The following MARCHF4 variants were observed in gnomAD, a reference collection of about 807,000 sequenced individuals.
MARCHF4 encodes the protein E3 ubiquitin-protein ligase MARCHF4.
MARCHF4 carries 14 observed loss-of-function variants against 43.9 expected under a neutral mutation model. That is an observed-to-expected ratio of 0.32 (90% confidence interval 0.21 to 0.50). The LOEUF (loss-of-function observed/expected upper bound fraction) is 0.50, where lower values mean the gene tolerates loss of function less well. Ranked by LOEUF, MARCHF4 falls within the 20% of genes least tolerant of loss-of-function variation. The pLI is 0.98. For missense variants in MARCHF4, 468 were observed against 536.7 expected (o/e 0.87, Z 1.27); for synonymous variants, 226 against 213.3 (o/e 1.06, Z -0.52).
intron 3 of MARCHF4, among the ~76,000 whole-genome samples, chr2:216,263,514 AGAGAG>A (rs1690784114): frequency 6.7e-6 from 1 of 148,818 alleles, no homozygotes; most frequent in Non-Finnish European, 1.5e-5. Context: ...AGAGAGAGAG[AGAGAG>A]AGAGAGAGAG....
chr2:216,322,246 AG>A (rs1271879823), intron 1 of MARCHF4, among the ~76,000 whole-genome samples: 1 of 152,246 alleles, frequency 6.6e-6, no homozygotes, highest in Non-Finnish European at 1.5e-5. Context: ...TGAAAAAGCA[AG>A]AGGTGGACCT....
intron 3 of MARCHF4, among the ~76,000 whole-genome samples, chr2:216,270,760 G>T (rs1268301010): frequency 2.2e-4 from 33 of 151,910 alleles, no homozygotes; most frequent in Non-Finnish European, 8.8e-5. Context: ...CTCCACAATG[G>T]TGCCCATTCC....
chr2:216,303,814 T>C (rs371262511), intron 1 of MARCHF4, among the ~76,000 whole-genome samples: 5 of 152,312 alleles, frequency 3.3e-5, no homozygotes, highest in African/African-American at 1.2e-4. Context: ...AAAGATTTTA[T>C]AAATTATACA....
chr2:216,270,704 C>T (rs1407115780), intron 3 of MARCHF4, among the ~76,000 whole-genome samples: 1 of 151,984 alleles, frequency 6.6e-6, no homozygotes, highest in African/African-American at 2.4e-5. Flanking sequence ...AAGGACATAC[C>T]CTTTTGTTGT....
intron 1 of MARCHF4, among the ~76,000 whole-genome samples, chr2:216,328,833 T>A (rs989570624): frequency 3.4e-5 from 5 of 147,430 alleles, no homozygotes. Context: ...AGGTCAGGAG[T>A]TTGAGACCAG....
At chr2:216,316,498 T>C (rs570311271) in intron 1 of MARCHF4, among the ~76,000 whole-genome samples, 2 of 152,114 alleles carry the variant, frequency 1.3e-5, no homozygotes, top group South Asian at 4.2e-4. Flanking sequence ...TATTGCATAG[T>C]GGAAGAAGGA....
chr2:216,279,754 T>C (rs1028573644), intron 2 of MARCHF4, among the ~76,000 whole-genome samples: 1 of 152,180 alleles, frequency 6.6e-6, no homozygotes, highest in Non-Finnish European at 1.5e-5. Context: ...TACAGGTAAT[T>C]GGGCCTTTAC....
intron 1 of MARCHF4, among the ~76,000 whole-genome samples, chr2:216,354,956 T>C (rs550299591): frequency 2.1e-5 from 3 of 145,780 alleles, no homozygotes; most frequent in Admixed American, 1.4e-4. Flanking sequence ...TCTTTCTTTC[T>C]TTCTTTCTTT....
chr2:216,353,439 G>A (rs1692432081), intron 1 of MARCHF4, among the ~76,000 whole-genome samples: 1 of 152,218 alleles, frequency 6.6e-6, no homozygotes, highest in Non-Finnish European at 1.5e-5. Flanking sequence ...CCTGAAAGGT[G>A]CAGATGTATT....
intron 1 of MARCHF4, among the ~76,000 whole-genome samples, chr2:216,361,427 T>A (rs543129368): frequency 6.6e-6 from 1 of 152,286 alleles, no homozygotes; most frequent in South Asian, 2.1e-4. Context: ...TGCTGTTACA[T>A]ATTGGGCAAC....
intron 1 of MARCHF4, among the ~76,000 whole-genome samples, chr2:216,355,034 C>T (rs951901715): frequency 7.3e-5 from 11 of 150,536 alleles, no homozygotes; most frequent in Non-Finnish European, 1.2e-4. Flanking sequence ...TGCAGTGGTG[C>T]GATCTTGGCT....
chr2:216,339,044 G>T (rs1172509303), intron 1 of MARCHF4, among the ~76,000 whole-genome samples: 2 of 152,182 alleles, frequency 1.3e-5, no homozygotes, highest in Non-Finnish European at 1.5e-5. Context: ...AGGTTGGACA[G>T]AAAGGAGCGG....
intron 1 of MARCHF4, among the ~76,000 whole-genome samples, chr2:216,321,016 T>C (rs1218029089): frequency 6.6e-6 from 1 of 151,950 alleles, no homozygotes; most frequent in East Asian, 1.9e-4. Context: ...AAAATTTCTC[T>C]GAAGTTGAGT....
intron 1 of MARCHF4, among the ~76,000 whole-genome samples, chr2:216,341,341 C>A (rs767348716): frequency 6.6e-6 from 1 of 152,224 alleles, no homozygotes; most frequent in African/African-American, 2.4e-5. Flanking sequence ...ATCCCTCAAC[C>A]ATGGCTCCTA....
intron 1 of MARCHF4, among the ~76,000 whole-genome samples, chr2:216,360,722 A>T (rs1280065714): frequency 1.3e-5 from 2 of 152,202 alleles, no homozygotes; most frequent in African/African-American, 2.4e-5. Context: ...AGAATGTACG[A>T]TATCAACAGT....
intron 3 of MARCHF4, among the ~76,000 whole-genome samples, chr2:216,266,767 G>A (rs1410524091): frequency 6.6e-6 from 1 of 152,186 alleles, no homozygotes; most frequent in East Asian, 1.9e-4. Flanking sequence ...ACGGTTGAAA[G>A]AAATGAATAT....
intron 1 of MARCHF4, among the ~76,000 whole-genome samples, chr2:216,304,080 G>A (rs1388434765): frequency 1.3e-5 from 2 of 152,152 alleles, no homozygotes; most frequent in Non-Finnish European, 2.9e-5. Flanking sequence ...GACATGTCAT[G>A]GGGGTACTCA....
At chr2:216,362,796 A>G (rs1395395844) in intron 1 of MARCHF4, among the ~76,000 whole-genome samples, 1 of 152,184 alleles carries the variant, frequency 6.6e-6, no homozygotes, top group African/African-American at 2.4e-5. Flanking sequence ...TGCTTTTACC[A>G]TACACAGAAG....
At chr2:216,351,513 A>C (rs1211642692) in intron 1 of MARCHF4, 3 of 152,132 alleles carry the variant, frequency 2.0e-5, no homozygotes, top group Admixed American at 2.0e-4. Context: ...TAAAAAATAA[A>C]TAAATAAAAT....
Sources: gnomAD v4.1 joint callset for allele counts (sites outside exome capture counted in the v4.1 genomes callset) on GRCh38, gnomAD v4.1.1 for gene constraint, MANE v1.5 for transcripts, NCBI Gene and HGNC (gene_info 2026-07-23, HGNC 2026-07-21) for gene names.